The following PTPN3 variants were observed in gnomAD, a reference collection of about 807,000 sequenced individuals.
PTPN3 encodes the protein tyrosine-protein phosphatase non-receptor type 3.
A neutral mutation model predicts 132.7 loss-of-function variants in PTPN3; 96 were observed. That is an observed-to-expected ratio of 0.72 (90% CI 0.61 to 0.86). PTPN3 has a LOEUF of 0.86. Among genes scored for constraint, PTPN3 ranks in the 40% least tolerant of loss-of-function variants. The probability of loss-of-function intolerance (pLI) is 0.00; values close to 1 mark genes in which losing one functional copy is unlikely to be tolerated. For missense variants in PTPN3, 1,125 were observed against 1,159.6 expected, an observed-to-expected ratio of 0.97 and a Z score of 0.43; for synonymous variants, 398 against 429.0, an observed-to-expected ratio of 0.93 and a Z score of 0.89.
chr9:109,536,730 T>A, the PTPN3 span, among the ~76,000 whole-genome samples: 2 of 152,212 alleles, frequency 1.3e-5, no homozygotes, highest in East Asian at 3.9e-4. Context: ...CCCTGCCAAC[T>A]CCTTTGAACA....
intron 1 of PTPN3, among the ~76,000 whole-genome samples, chr9:109,469,190 G>A (rs981131245): frequency 2.8e-4 from 43 of 152,170 alleles, no homozygotes; most frequent in Non-Finnish European, 4.1e-4. Flanking sequence ...GGGTAATGCC[G>A]CCGCTTTATT....
intron 14 of PTPN3, among the ~76,000 whole-genome samples, chr9:109,419,124 G>A (rs999265876): frequency 6.6e-6 from 1 of 152,216 alleles, no homozygotes; most frequent in African/African-American, 2.4e-5. Context: ...ACAAGAGATA[G>A]CAATCATTTA....
At chr9:109,445,471 C>T (rs1246948884) in intron 6 of PTPN3, among the ~76,000 whole-genome samples, 179 bp from the exon 7 acceptor site, 2 of 152,130 alleles carry the variant, frequency 1.3e-5, no homozygotes, top group African/African-American at 2.4e-5. Context: ...ATGTAATACA[C>T]TAAAATTTTT....
At chr9:109,505,994 G>A in the PTPN3 span, among the ~76,000 whole-genome samples, 4 of 151,346 alleles carry the variant, frequency 2.6e-5, no homozygotes, top group Non-Finnish European at 5.9e-5. Context: ...CTCGTGATCC[G>A]CCTGCCTCAG....
In PTPN3 at chr9:109,420,407, C is replaced by G. The variant is rs1407948227; in HGVS notation, c.1313+17G>C. ...AAAAAGCAAATACCCAGAAATAAAA[C>G]AACACGAGTTTCTTACTCTTGGTGC... On this transcript the variant is annotated intron_variant, in intron 14 of 25. Transcript: ENST00000374541. 1 of 1,575,628 alleles carries G rather than the reference C, an allele frequency of 6.3e-7. No individual in the cohort carries two copies. The highest frequency in any genetic ancestry group is 8.7e-7 in the Non-Finnish European group (1 of 1,155,176).
chr9:109,463,260 A>C, intron 2 of PTPN3, 37 bp downstream of exon 2: 2 of 1,520,098 alleles, frequency 1.3e-6, no homozygotes, highest in Non-Finnish European at 1.8e-6. Flanking sequence ...AGGAGCATTA[A>C]TTCAGGAAAA....
At position 109,420,485 on chromosome 9, in the gene PTPN3, C is replaced by A. The variant is rs752752824; in HGVS notation, c.1252G>T (p.Gly418Cys). The change falls in exon 14 of 26, where the codon GGC becomes TGC. Residue 418 changes from glycine (G) to cysteine (C), a missense_variant. Gly to Cys is a radical substitution (Grantham distance 159). Coordinates refer to ENST00000374541, the MANE Select transcript of PTPN3 (RefSeq NM_002829.4). ...TCGCTGTCTTGAGGGGCCAGAGAGCCCTTGTACGTGTAAAATACATCTTCC... is the reference window on the plus strand; with the variant it reads ...TCGCTGTCTTGAGGGGCCAGAGAGCACTTGTACGTGTAAAATACATCTTCC... ...ETEDVFYTYK[G>C]SLAPQDSDSE... is the part of the protein sequence containing the mutation. The A allele has an allele frequency of 4.3e-6, 7 of 1,613,578 alleles. No individual in the cohort carries two copies. The Admixed American group carries it at 1.2e-4, about 27-fold the overall frequency.
chr9:109,508,328 T>C, the PTPN3 span, among the ~76,000 whole-genome samples: 1 of 152,038 alleles, frequency 6.6e-6, no homozygotes, highest in Non-Finnish European at 1.5e-5. Flanking sequence ...GCCTGGCTAA[T>C]TTTTTGTATT....
At chr9:109,534,281 G>A in the PTPN3 span, 4 of 1,540,716 alleles carry the variant, frequency 2.6e-6, no homozygotes, top group Non-Finnish European at 3.5e-6. Context: ...AGGGCGGGGG[G>A]CGGCGAGCGG....
At chr9:109,457,531 C>A in intron 2 of PTPN3, 132 bp from the exon 3 acceptor site, 1 of 716,372 alleles carries the variant, frequency 1.4e-6, no homozygotes, top group Non-Finnish European at 2.3e-6. Flanking sequence ...ACAAGAAAAG[C>A]TTTAATAAAT....
intron 14 of PTPN3, among the ~76,000 whole-genome samples, chr9:109,419,867 G>A (rs191638194): frequency 1.1e-4 from 17 of 152,164 alleles, no homozygotes; most frequent in South Asian, 4.1e-4. Flanking sequence ...TTAAAAAAGC[G>A]GGGTGGGGGA....
chr9:109,524,295 C>T, the PTPN3 span, among the ~76,000 whole-genome samples: 2 of 46,538 alleles, frequency 4.3e-5, no homozygotes, highest in Non-Finnish European at 8.3e-5. Context: ...TCATTGAAAG[C>T]CTGAAGAGTG....
intron 1 of PTPN3, among the ~76,000 whole-genome samples, chr9:109,495,015 A>T (rs1393428556): frequency 2.6e-5 from 4 of 152,190 alleles, no homozygotes; most frequent in Non-Finnish European, 5.9e-5. Context: ...CCAGGGGCTT[A>T]CCAAGCACTT....
chr9:109,438,385 A>G (rs1844211635), intron 7 of PTPN3, 151 bp from the exon 8 acceptor site: 1 of 795,016 alleles, frequency 1.3e-6, no homozygotes, highest in Non-Finnish European at 1.9e-6. Flanking sequence ...GCTTCTCACT[A>G]GCTCCAGATT....
At chr9:109,533,311 A>G in the PTPN3 span, 6 of 417,824 alleles carry the variant, frequency 1.4e-5, no homozygotes, top group Middle Eastern at 1.5e-3. Flanking sequence ...CGCCCGGCTA[A>G]TTTTTTGTAT....
In PTPN3 at chr9:109,483,080, G is replaced by C. The variant is rs141453861; in HGVS notation, c.-18+15139C>G. On this transcript the variant is annotated intron_variant, in intron 1 of 25. Coordinates refer to ENST00000374541, the MANE Select transcript of PTPN3 (RefSeq NM_002829.4). ...CTGTCCTTTCCTGAAGGCAGCAGAA[G>C]AAAAGTAGGTTTGCTCTTGGCTCCC... Among the ~76,000 whole-genome samples, 546 of 152,336 alleles carry C rather than the reference G, an allele frequency of 3.6e-3. 2 individuals carry two copies. The highest frequency in any genetic ancestry group is 5.5e-3 in the Non-Finnish European group (377 of 68,028).
chr9:109,529,851 C>T, the PTPN3 span, among the ~76,000 whole-genome samples: 1,161 of 152,110 alleles, frequency 7.6e-3, 10 homozygotes, highest in African/African-American at 0.027. Flanking sequence ...AAATGGAATG[C>T]GTTGGGGGTG....
chr9:109,467,222 CAATTT>C (rs1846141995), intron 1 of PTPN3, among the ~76,000 whole-genome samples: 2 of 151,900 alleles, frequency 1.3e-5, no homozygotes, highest in African/African-American at 4.8e-5. Flanking sequence ...TTTAAAATGT[CAATTT>C]TATTTTTTAG....
intron 19 of PTPN3, among the ~76,000 whole-genome samples, chr9:109,394,454 A>AT (rs11407022): frequency 0.033 from 4,626 of 140,158 alleles, 214 homozygotes; most frequent in African/African-American, 0.098. Flanking sequence ...CAGTGTTTAC[A>AT]TTTTTTTTTT....
Sources: allele counts gnomAD v4.1 joint callset (sites outside exome capture counted in the v4.1 genomes callset), GRCh38; gene constraint gnomAD v4.1.1; transcripts MANE v1.5; gene names NCBI Gene and HGNC (gene_info 2026-07-23, HGNC 2026-07-21).